The following SCARB1 variants were observed in gnomAD, a reference collection of about 807,000 sequenced individuals.
The protein encoded by SCARB1 is CD36 and LIMPII analogous 1.
Under a neutral mutation model 57.2 loss-of-function variants are expected in SCARB1, and 30 were observed. That is an observed-to-expected ratio of 0.52 (90% CI 0.39 to 0.71). The LOEUF (loss-of-function observed/expected upper bound fraction) is 0.71. Ranked by LOEUF, SCARB1 falls within the 30% of genes least tolerant of loss-of-function variation. SCARB1 has a pLI of 0.00. For synonymous variants in SCARB1, 249 were observed against 268.3 expected (o/e 0.93, Z 0.70); for missense variants, 543 against 671.2 (o/e 0.81, Z 2.11).
At chr12:124,860,824 A>G (rs1952869298) in intron 1 of SCARB1, among the ~76,000 whole-genome samples, 1 of 152,254 alleles carries the variant, frequency 6.6e-6, no homozygotes. Context: ...GTGATGAAGG[A>G]AAACGCGGGG....
At chr12:124,862,014 A>C (rs1454510333) in intron 1 of SCARB1, among the ~76,000 whole-genome samples, 2 of 116,624 alleles carry the variant, frequency 1.7e-5, no homozygotes, top group African/African-American at 6.6e-5. Context: ...TCCCATAGCA[A>C]GAGACCAGGT....
intron 7 of SCARB1, among the ~76,000 whole-genome samples, chr12:124,801,113 C>T (rs1279853313): frequency 2.0e-5 from 3 of 152,052 alleles, no homozygotes; most frequent in Non-Finnish European, 2.9e-5. Flanking sequence ...GCAGGAAAAT[C>T]GCTTGAGCCT....
Position 124,831,100 on chromosome 12 carries a change from C to G in SCARB1, c.127-13393G>C, listed in dbSNP as rs147637458. 1.7e-3 allele frequency among the ~76,000 whole-genome samples: 260 copies of G among 152,218 alleles called. 1 individual carries two copies. Among genetic ancestry groups the G allele is most frequent in the Admixed American group, 3.5e-3 (53 of 15,284 alleles). ...AAGCAATTCTCCTGCCTCAGCCCCC[C>G]AAGTAGCTGGGATTACAGATGCCCG... On this transcript the variant is annotated intron_variant, in intron 1 of 12. Coordinates refer to ENST00000261693, the MANE Select transcript of SCARB1 (RefSeq NM_005505.5).
chr12:124,817,543 G>A lies in SCARB1; in HGVS notation c.284+7C>T. 8 of 1,613,438 alleles carry A rather than the reference G, an allele frequency of 5.0e-6. No individual in the cohort carries two copies. The highest frequency in any genetic ancestry group is 5.9e-6 in the Non-Finnish European group (7 of 1,179,976). ...GCCCCTCCACCCTCACCTGGACACA[G>A]CCTCACCTGTACACGTAGGGCCCGC... is the stretch of plus-strand genomic sequence containing the variant. On this transcript the variant is annotated splice_region_variant and intron_variant, in intron 2 of 12. Coordinates refer to ENST00000261693, the MANE Select transcript of SCARB1 (RefSeq NM_005505.5). The surrounding 1 kb of genome is among the most constrained non-coding windows in gnomAD (Gnocchi z 4.8).
At chr12:124,824,460 G>A (rs941413414) in intron 1 of SCARB1, among the ~76,000 whole-genome samples, 2 of 152,248 alleles carry the variant, frequency 1.3e-5, no homozygotes, top group Admixed American at 1.3e-4. Flanking sequence ...TAACGATTGC[G>A]CAACCTTGCG....
chr12:124,838,349 C>A (rs571311083), intron 1 of SCARB1, among the ~76,000 whole-genome samples: 2 of 152,354 alleles, frequency 1.3e-5, no homozygotes, highest in Non-Finnish European at 2.9e-5. Flanking sequence ...CCTCCCCATC[C>A]TCCCCGTGGC....
chr12:124,861,067 C>A (rs1378029313), intron 1 of SCARB1, among the ~76,000 whole-genome samples: 1 of 152,136 alleles, frequency 6.6e-6, no homozygotes, highest in Non-Finnish European at 1.5e-5. Flanking sequence ...GAAACTTTCT[C>A]TCTTTTCCTC....
rs1263820385 is a variant in SCARB1 at position 124,814,878 on chromosome 12, C to T, written c.426+95G>A. 1 of 1,536,338 alleles carries T rather than the reference C, an allele frequency of 6.5e-7. No homozygotes were observed. Among genetic ancestry groups the T allele is most frequent in the Non-Finnish European group, 8.9e-7 (1 of 1,119,220 alleles). On this transcript the variant is annotated intron_variant, in intron 3 of 12. Coordinates refer to ENST00000261693, the MANE Select transcript of SCARB1 (RefSeq NM_005505.5). This position sits in a 1 kb window ranked among gnomAD's most constrained non-coding sequence, Gnocchi z 4.7. ...GGCGTGAGTCCCCACGCTCCGACCA[C>T]CTCAGGGACTGCTCTCTGCACAAGG...
intron 1 of SCARB1, among the ~76,000 whole-genome samples, chr12:124,844,541 C>T (rs1329770617): frequency 6.6e-6 from 1 of 151,992 alleles, no homozygotes; most frequent in Non-Finnish European, 1.5e-5. Flanking sequence ...GGGGCAGGGC[C>T]TTTAAATCGG....
rs570592557 is a variant in SCARB1 at position 124,794,699 on chromosome 12, G to A, written c.1202+496C>T. On this transcript the variant is annotated intron_variant, in intron 9 of 12. Transcript: ENST00000261693. ...CAATCCCAGCATGCTGGGAGGCCCAGGTGGGTGGATCACTTGAGGCCAGGA... is the reference window on the plus strand; with the variant it reads ...CAATCCCAGCATGCTGGGAGGCCCAAGTGGGTGGATCACTTGAGGCCAGGA... Among the ~76,000 whole-genome samples the A allele has an allele frequency of 1.9e-4, 29 of 152,336 alleles. No homozygotes were observed. In the East Asian group the frequency reaches 5.6e-3, roughly 29 times the overall value.
chr12:124,786,129 T>C lies in SCARB1; in HGVS notation c.1401+228A>G, dbSNP rs780588858. On this transcript the variant is annotated intron_variant, in intron 11 of 12. Coordinates refer to ENST00000261693, the MANE Select transcript of SCARB1 (RefSeq NM_005505.5). ...CACCTGTGCCCCCTCCAAGGGAGGG[T>C]CCCAGGCCTTCCAGAACAGGCAGAG... The C allele has an allele frequency of 3.9e-6, 6 of 1,538,176 alleles. No individual in the cohort carries two copies. The South Asian group carries it at 5.9e-5, about 15-fold the overall frequency.
intron 1 of SCARB1, among the ~76,000 whole-genome samples, chr12:124,849,847 G>A (rs1160546583): frequency 6.6e-6 from 1 of 151,258 alleles, no homozygotes; most frequent in African/African-American, 2.4e-5. Flanking sequence ...AGGATTGCTT[G>A]AGGCCAGGAG....
chr12:124,831,182 T>C (rs1453930390), intron 1 of SCARB1, among the ~76,000 whole-genome samples: 2 of 152,206 alleles, frequency 1.3e-5, no homozygotes, highest in African/African-American at 4.8e-5. Flanking sequence ...TTTTGCCAAA[T>C]TGGCCAGGCT....
intron 4 of SCARB1, among the ~76,000 whole-genome samples, chr12:124,813,315 G>T (rs1017850129): frequency 5.9e-5 from 9 of 152,136 alleles, no homozygotes; most frequent in African/African-American, 1.4e-4. Context: ...GTGCTGCCTG[G>T]AATGTGATGT....
Position 124,814,291 on chromosome 12 carries a change from A to G in SCARB1, c.541T>C (p.Trp181Arg). Reference sequence around the variant, plus strand: ...TTCACAAGGGGGTCCTTGTAGCCCCACATGATCTCACCCACAGTGCGGTTC... The same window carrying G: ...TTCACAAGGGGGTCCTTGTAGCCCCGCATGATCTCACCCACAGTGCGGTTC... The part of the protein sequence containing the change: ...FMNRTVGEIM[W>R]GYKDPLVNLI... Residue 181 changes from tryptophan to arginine, a missense_variant, in exon 4 of 13, where the codon TGG becomes CGG. Coordinates refer to ENST00000261693, the MANE Select transcript of SCARB1 (RefSeq NM_005505.5). The surrounding 1 kb of genome is among the most constrained non-coding windows in gnomAD (Gnocchi z 4.7). 2 of 1,614,214 alleles carry G rather than the reference A, an allele frequency of 1.2e-6. No homozygotes were observed. Among genetic ancestry groups the G allele is most frequent in the Non-Finnish European group, 1.7e-6 (2 of 1,180,016 alleles).
chr12:124,847,644 C>T (rs1003440812), intron 1 of SCARB1, among the ~76,000 whole-genome samples: 2 of 152,134 alleles, frequency 1.3e-5, no homozygotes, highest in Non-Finnish European at 2.9e-5. Flanking sequence ...GGCCGAGGGC[C>T]GCTGAAGGAT....
At position 124,843,189 on chromosome 12, in the gene SCARB1, G is replaced by A. The variant is rs969050872; in HGVS notation, c.126+20406C>T. Among the ~76,000 whole-genome samples, 12 of 152,134 alleles carry A rather than the reference G, an allele frequency of 7.9e-5. No homozygotes were observed. The South Asian group carries it at 1.2e-3, about 16-fold the overall frequency. On this transcript the variant is annotated intron_variant, in intron 1 of 12. Transcript: ENST00000261693. ...TTTTAATGCCAGCCAGGGCTTTCTG[G>A]GTAAGAGCTGGGCACACCCAGGGAG...
Position 124,782,658 on chromosome 12 carries a change from G to A in SCARB1, c.*25C>T, listed in dbSNP as rs187426910. 8.1e-6 allele frequency: 13 copies of A among 1,611,826 alleles called. No homozygotes were observed. In the African/African-American group the frequency reaches 1.7e-4, roughly 22 times the overall value. Reference sequence around the variant, plus strand: ...ACTTGATATGGGAGGGGGCGGGGAGGCGCACGGCATTACCTGGTACCCACC... The same window carrying A: ...ACTTGATATGGGAGGGGGCGGGGAGACGCACGGCATTACCTGGTACCCACC... On this transcript the variant is annotated intron_variant, in intron 12 of 12. Transcript: ENST00000261693.
intron 1 of SCARB1, among the ~76,000 whole-genome samples, chr12:124,848,514 T>C (rs187096907): frequency 1.2e-3 from 186 of 152,304 alleles, no homozygotes; most frequent in East Asian, 6.0e-3. Flanking sequence ...TCCACGGCCA[T>C]GGAGAAGGAC....
Sources: gnomAD v4.1 joint callset for allele counts (sites outside exome capture counted in the v4.1 genomes callset) on GRCh38, gnomAD v4.1.1 for gene constraint, Gnocchi (gnomAD v3.1) non-coding constraint, MANE v1.5 for transcripts, NCBI Gene and HGNC (gene_info 2026-07-23, HGNC 2026-07-21) for gene names.